The following CNTNAP3B variants were observed in gnomAD, a reference collection of about 807,000 sequenced individuals.
CNTNAP3B encodes contactin-associated protein-like 3B.
A neutral mutation model predicts 108.9 loss-of-function variants in CNTNAP3B; 25 were observed. The observed-to-expected ratio is 0.23, with a 90% CI of 0.17 to 0.32. The LOEUF (loss-of-function observed/expected upper bound fraction) is 0.32, where lower values mean the gene tolerates loss of function less well. CNTNAP3B is among the 10% of genes least tolerant of loss of function. The pLI is 1.00. For missense variants in CNTNAP3B, 252 were observed against 1,210.4 expected (o/e 0.21, Z 11.75); for synonymous variants, 103 against 473.4 (o/e 0.22, Z 10.16).
intron 2 of CNTNAP3B, among the ~76,000 whole-genome samples, chr9:42,103,422 A>G (rs1828039357): frequency 2.5e-5 from 3 of 121,556 alleles, no homozygotes; most frequent in Admixed American, 8.2e-5. Flanking sequence ...GGGAGTTAAA[A>G]AAAAAAAAAA....
chr9:41,936,973 T>A (rs1279441126), intron 14 of CNTNAP3B, among the ~76,000 whole-genome samples: 3 of 152,290 alleles, frequency 2.0e-5, no homozygotes, highest in Non-Finnish European at 4.4e-5. Flanking sequence ...GTAGACTTTT[T>A]ATGCCAAATA....
intron 14 of CNTNAP3B, among the ~76,000 whole-genome samples, chr9:41,934,966 T>C (rs1332051216): frequency 6.6e-6 from 1 of 152,274 alleles, no homozygotes; most frequent in African/African-American, 2.4e-5. Context: ...AATATTACAG[T>C]TACATGTGTC....
Position 42,097,952 on chromosome 9 carries a change from G to A in CNTNAP3B, c.196+6677C>T, listed in dbSNP as rs1297685708. Among the ~76,000 whole-genome samples, 18 of 138,360 alleles carry A rather than the reference G, an allele frequency of 1.3e-4. 3 individuals are homozygous for A. Among genetic ancestry groups the A allele is most frequent in the Middle Eastern group, 3.6e-3 (1 of 280 alleles). The allele number at this position is 138,360 out of a possible 152,430, so 90.8% of individuals were successfully genotyped here. A position where few individuals can be genotyped will look rare whatever the true frequency, so the allele number is the denominator to read the frequency against. On this transcript the variant is annotated intron_variant, in intron 2 of 23. Coordinates refer to ENST00000377561, the MANE Select transcript of CNTNAP3B (RefSeq NM_001201380.3). ...GTGAGACATGAAGAGACTAAGCTGA[G>A]GGGGAGATCCATGGAAATGATGTAT... is the stretch of plus-strand genomic sequence containing the variant.
chr9:41,917,018 A>G (rs2117917253), intron 18 of CNTNAP3B, among the ~76,000 whole-genome samples: 1 of 152,342 alleles, frequency 6.6e-6, no homozygotes, highest in Non-Finnish European at 1.5e-5. Flanking sequence ...GTCTGGATAT[A>G]AACTTCTTTG....
chr9:41,931,500 C>T (rs906052186), intron 14 of CNTNAP3B, among the ~76,000 whole-genome samples: 2 of 152,268 alleles, frequency 1.3e-5, no homozygotes, highest in Non-Finnish European at 2.9e-5. Context: ...AAATATAAAA[C>T]TAAAATAAAA....
At chr9:41,969,629 T>C (rs1301513232) in intron 10 of CNTNAP3B, among the ~76,000 whole-genome samples, 2 of 152,194 alleles carry the variant, frequency 1.3e-5, no homozygotes, top group Admixed American at 6.5e-5. Context: ...GTTTTTGTTT[T>C]TGTTTTGAGA....
intron 1 of CNTNAP3B, among the ~76,000 whole-genome samples, chr9:42,111,150 T>C (rs1166280362): frequency 7.2e-6 from 1 of 138,788 alleles, no homozygotes; most frequent in African/African-American, 2.9e-5. Context: ...AAAGGACTGG[T>C]TCCAGGATGG....
intron 14 of CNTNAP3B, among the ~76,000 whole-genome samples, chr9:41,931,590 A>T (rs1157367376): frequency 6.6e-6 from 1 of 151,282 alleles, no homozygotes; most frequent in Non-Finnish European, 1.5e-5. Context: ...TCAGACTAAA[A>T]CCCTGTTGCT....
intron 1 of CNTNAP3B, among the ~76,000 whole-genome samples, chr9:42,123,685 T>C (rs1253810860): frequency 1.4e-5 from 2 of 138,414 alleles, no homozygotes; most frequent in African/African-American, 5.7e-5. Context: ...ACTCTACATT[T>C]GCCTGAGAAG....
chr9:41,956,202 T>C (rs1241053782), intron 12 of CNTNAP3B, among the ~76,000 whole-genome samples: 2 of 152,092 alleles, frequency 1.3e-5, no homozygotes, highest in Non-Finnish European at 2.9e-5. Context: ...CTGGCTAACA[T>C]AGTAAAACCC....
At chr9:42,020,088 CAA>C (rs1364775777) in intron 3 of CNTNAP3B, among the ~76,000 whole-genome samples, 1 of 133,188 alleles carries the variant, frequency 7.5e-6, no homozygotes, top group African/African-American at 3.1e-5. Flanking sequence ...AAGAGAAAAA[CAA>C]AGTGTAGTGC....
intron 14 of CNTNAP3B, among the ~76,000 whole-genome samples, chr9:41,934,777 C>A (rs1824103318): frequency 6.6e-6 from 1 of 152,206 alleles, no homozygotes; most frequent in African/African-American, 2.4e-5. Context: ...CTTTAAAAAT[C>A]CAATATGATA....
At chr9:41,967,704 C>T (rs1210480022) in intron 10 of CNTNAP3B, among the ~76,000 whole-genome samples, 7 of 152,264 alleles carry the variant, frequency 4.6e-5, no homozygotes, top group Non-Finnish European at 2.9e-5. Flanking sequence ...CATTTTGTGT[C>T]CCCAAAGTTT....
At chr9:41,943,026 G>T (rs1276312990) in intron 13 of CNTNAP3B, among the ~76,000 whole-genome samples, 1 of 152,258 alleles carries the variant, frequency 6.6e-6, no homozygotes, top group Non-Finnish European at 1.5e-5. Flanking sequence ...ATGCAGTTAT[G>T]ACAGATTTGG....
At chr9:41,961,191 A>C (rs1825079164) in intron 11 of CNTNAP3B, among the ~76,000 whole-genome samples, 1 of 152,308 alleles carries the variant, frequency 6.6e-6, no homozygotes, top group South Asian at 2.1e-4. Flanking sequence ...GAAGAAGGAA[A>C]GATTGTGTTG....
chr9:41,923,701 G>T (rs1303612905), intron 16 of CNTNAP3B, among the ~76,000 whole-genome samples: 1 of 152,412 alleles, frequency 6.6e-6, no homozygotes, highest in Non-Finnish European at 1.5e-5. Flanking sequence ...GGCTGAGGTT[G>T]CAGTGAGCCA....
At chr9:41,945,384 A>G (rs1824499172) in intron 13 of CNTNAP3B, among the ~76,000 whole-genome samples, 1 of 152,308 alleles carries the variant, frequency 6.6e-6, no homozygotes, top group African/African-American at 2.4e-5. Flanking sequence ...CATCAATGAC[A>G]GACTGGATTA....
At chr9:41,980,717 A>T (rs1358704221) in intron 9 of CNTNAP3B, 6 of 147,852 alleles carry the variant, frequency 4.1e-5, no homozygotes, top group Admixed American at 4.0e-4. Context: ...AACCCTCAAC[A>T]AATGAGGCAT....
chr9:41,955,456 T>C (rs1824826656), intron 12 of CNTNAP3B, among the ~76,000 whole-genome samples: 1 of 152,306 alleles, frequency 6.6e-6, no homozygotes, highest in African/African-American at 2.4e-5. Context: ...TTGCTCATAA[T>C]TTATTTCAAT....
Sources: allele counts gnomAD v4.1 joint callset (sites outside exome capture counted in the v4.1 genomes callset), GRCh38; gene constraint gnomAD v4.1.1; transcripts MANE v1.5; gene names NCBI Gene and HGNC (gene_info 2026-07-23, HGNC 2026-07-21).